CTNNA2: variants seen among roughly 807,000 people sequenced by gnomAD.
CTNNA2 encodes catenin alpha 2.
Under a neutral mutation model 101.0 loss-of-function variants are expected in CTNNA2, and 42 were observed. The ratio of observed to expected loss-of-function variants is 0.42; its 90% CI spans 0.32 to 0.54. The LOEUF (loss-of-function observed/expected upper bound fraction) is 0.54, where lower values mean the gene tolerates loss of function less well. Ranked by LOEUF, CTNNA2 falls within the 20% of genes least tolerant of loss-of-function variation. The probability of loss-of-function intolerance (pLI) is 0.14; values close to 1 mark genes in which losing one functional copy is unlikely to be tolerated. For synonymous variants in CTNNA2, 450 were observed against 456.4 expected (o/e 0.99, Z 0.18); for missense variants, 871 against 1,223.1 (o/e 0.71, Z 4.29).
intron 3 of CTNNA2, among the ~76,000 whole-genome samples, chr2:79,346,846 G>T (rs984443227): frequency 2.6e-5 from 4 of 152,126 alleles, no homozygotes; most frequent in Non-Finnish European, 5.9e-5. Context: ...CCTCCACAAA[G>T]CCCCAAATTT....
At chr2:79,244,033 A>G (rs934662447) in intron 2 of CTNNA2, among the ~76,000 whole-genome samples, 2 of 152,076 alleles carry the variant, frequency 1.3e-5, no homozygotes, top group Non-Finnish European at 2.9e-5. Flanking sequence ...TGAGGCACTA[A>G]TTTCACTGCT....
chr2:79,787,856 C>T (rs1240617552), intron 3 of CTNNA2, among the ~76,000 whole-genome samples: 1 of 152,004 alleles, frequency 6.6e-6, no homozygotes, highest in African/African-American at 2.4e-5. Context: ...AAATCTTCCC[C>T]TCTCCAGACC....
intron 7 of CTNNA2, among the ~76,000 whole-genome samples, chr2:79,986,458 C>T (rs896977239): frequency 2.6e-5 from 4 of 152,132 alleles, no homozygotes; most frequent in African/African-American, 9.7e-5. Flanking sequence ...ATAGTCTTAT[C>T]AGTGAATTCC....
At chr2:79,908,451 A>G (rs938631414) in intron 6 of CTNNA2, among the ~76,000 whole-genome samples, 4 of 152,106 alleles carry the variant, frequency 2.6e-5, no homozygotes, top group African/African-American at 4.8e-5. Flanking sequence ...TGCACCCCCA[A>G]TGAAGCACAC....
At chr2:79,571,577 A>AT (rs898423655) in intron 1 of CTNNA2, among the ~76,000 whole-genome samples, 2 of 151,772 alleles carry the variant, frequency 1.3e-5, no homozygotes, top group African/African-American at 2.4e-5. Context: ...TTTCTTCTCC[A>AT]TTTTTTTCCC....
At chr2:79,520,828 A>C in intron 1 of CTNNA2, among the ~76,000 whole-genome samples, 1 of 152,176 alleles carries the variant, frequency 6.6e-6, no homozygotes, top group African/African-American at 2.4e-5. Flanking sequence ...GGCAATACCA[A>C]GTTTTGGAGA....
intron 3 of CTNNA2, among the ~76,000 whole-genome samples, chr2:79,353,031 G>T (rs1235663781): frequency 6.6e-6 from 1 of 152,104 alleles, no homozygotes; most frequent in Non-Finnish European, 1.5e-5. Flanking sequence ...GCACTAGGGA[G>T]ATGGTGCTGA....
intron 11 of CTNNA2, among the ~76,000 whole-genome samples, chr2:80,555,048 A>G (rs1692902945): frequency 6.6e-6 from 1 of 152,176 alleles, no homozygotes; most frequent in Admixed American, 6.5e-5. Context: ...GGAACCAGCC[A>G]CAAGACTGGA....
intron 7 of CTNNA2, among the ~76,000 whole-genome samples, chr2:80,051,133 A>G (rs943136897): frequency 2.0e-5 from 3 of 152,206 alleles, no homozygotes; most frequent in African/African-American, 7.2e-5. Context: ...GGGATTTTGT[A>G]AAGAGTGCCA....
chr2:80,096,763 G>A (rs565876410), intron 7 of CTNNA2, among the ~76,000 whole-genome samples: 1 of 152,204 alleles, frequency 6.6e-6, no homozygotes, highest in Non-Finnish European at 1.5e-5. Context: ...TTATGTAATG[G>A]CCTTCTTTGT....
chr2:80,129,438 A>G lies in CTNNA2; in HGVS notation c.1056+219641A>G, dbSNP rs148969967. 4.2e-3 allele frequency among the ~76,000 whole-genome samples: 637 copies of G among 152,236 alleles called. 2 individuals are homozygous for G. Among genetic ancestry groups the G allele is most frequent in the East Asian group, 0.021 (107 of 5,180 alleles). ...AGGGAGAGATGAGTAAGACACCTTC[A>G]TGGTCATCACGGGTGTTACTGATAC... On this transcript the variant is annotated intron_variant, in intron 7 of 18. Coordinates refer to ENST00000402739, the MANE Select transcript of CTNNA2 (RefSeq NM_001282597.3).
intron 7 of CTNNA2, among the ~76,000 whole-genome samples, chr2:80,280,891 G>T (rs1388143775): frequency 2.6e-5 from 4 of 152,050 alleles, no homozygotes; most frequent in African/African-American, 9.7e-5. Context: ...ATTGTTTCGG[G>T]CATCTACTGG....
At position 79,859,242 on chromosome 2, in the gene CTNNA2, T is replaced by C. The variant is rs554765286; in HGVS notation, c.465+1063T>C. On this transcript the variant is annotated intron_variant, in intron 4 of 18. Coordinates refer to ENST00000402739, the MANE Select transcript of CTNNA2 (RefSeq NM_001282597.3). Reference sequence around the variant, plus strand: ...TGTTTCCTATCAGCCAATCTTCCTGTCTTATTTTCTTTATCAGTGAAAGCA... The same window carrying C: ...TGTTTCCTATCAGCCAATCTTCCTGCCTTATTTTCTTTATCAGTGAAAGCA... Among the ~76,000 whole-genome samples, 5 of 152,198 alleles carry C rather than the reference T, an allele frequency of 3.3e-5. No individual in the cohort carries two copies. In the East Asian group the frequency reaches 9.7e-4, roughly 30 times the overall value.
chr2:80,192,167 A>G (rs1462031452), intron 7 of CTNNA2, among the ~76,000 whole-genome samples: 1 of 152,248 alleles, frequency 6.6e-6, no homozygotes, highest in Non-Finnish European at 1.5e-5. Context: ...TGATCTAACC[A>G]TCTCATTTTC....
chr2:80,049,371 G>T (rs1249918776), intron 7 of CTNNA2, among the ~76,000 whole-genome samples: 1 of 152,142 alleles, frequency 6.6e-6, no homozygotes, highest in Middle Eastern at 3.2e-3. Context: ...ACCCCATAGG[G>T]ATGTGTGAGT....
At chr2:79,556,560 G>A (rs1314934881) in intron 1 of CTNNA2, among the ~76,000 whole-genome samples, 1 of 151,962 alleles carries the variant, frequency 6.6e-6, no homozygotes, top group African/African-American at 2.4e-5. Flanking sequence ...TTACATTGTT[G>A]TGCACAAAAT....
intron 4 of CTNNA2, among the ~76,000 whole-genome samples, chr2:79,434,875 GTATC>G (rs1209752431): frequency 2.0e-5 from 3 of 152,142 alleles, no homozygotes; most frequent in Admixed American, 2.0e-4. Flanking sequence ...CATGGAGCAG[GTATC>G]TTTCTTCCAG....
At chr2:79,670,295 C>A (rs1222407738) in intron 2 of CTNNA2, among the ~76,000 whole-genome samples, 1 of 152,188 alleles carries the variant, frequency 6.6e-6, no homozygotes, top group Non-Finnish European at 1.5e-5. Flanking sequence ...ATTCCTCACT[C>A]CCTACAAGAG....
At chr2:79,471,654 C>A (rs559491496) in intron 4 of CTNNA2, among the ~76,000 whole-genome samples, 1 of 151,894 alleles carries the variant, frequency 6.6e-6, no homozygotes, top group African/African-American at 2.4e-5. Context: ...CTGGCTAACA[C>A]GGTGAAACCC....
Sources: gnomAD v4.1 joint callset for allele counts (sites outside exome capture counted in the v4.1 genomes callset) on GRCh38, gnomAD v4.1.1 for gene constraint, MANE v1.5 for transcripts, NCBI Gene and HGNC (gene_info 2026-07-23, HGNC 2026-07-21) for gene names.